CACNA1E: variants seen among roughly 807,000 people sequenced by gnomAD.
CACNA1E encodes voltage-dependent R-type calcium channel subunit alpha-1E.
In CACNA1E, 40 loss-of-function variants were observed where a neutral mutation model predicts 259.2. The ratio of observed to expected loss-of-function variants is 0.15; its 90% confidence interval spans 0.12 to 0.20. The LOEUF (loss-of-function observed/expected upper bound fraction) is 0.20, where lower values mean the gene tolerates loss of function less well. CACNA1E is among the 10% of genes least tolerant of loss of function. The pLI is 1.00. For synonymous variants in CACNA1E, 1,104 were observed against 1,138.5 expected (o/e 0.97, Z 0.61); for missense variants, 1,874 against 3,040.1 (o/e 0.62, Z 9.02).
intron 7 of CACNA1E, among the ~76,000 whole-genome samples, chr1:181,687,280 T>G (rs1196422516): frequency 2.6e-5 from 4 of 152,150 alleles, no homozygotes; most frequent in Non-Finnish European, 5.9e-5. Flanking sequence ...CCTTTTAATG[T>G]TTTTTAATGA....
rs577347739 is a variant in CACNA1E, at chr1:181,392,115, G to C, written c.-14-21018G>C. ...GTCTGTGGTAGATCAGCACAGAAAG[G>C]GTAAGGAATAGGGAGTTTGGTACCT... On this transcript the variant is annotated intron_variant, in intron 1 of 11. Coordinates refer to the CACNA1E transcript ENST00000524607. Among the ~76,000 whole-genome samples the C allele has an allele frequency of 4.6e-5, 7 of 152,134 alleles. No homozygotes were observed. In the South Asian group the frequency reaches 1.5e-3, roughly 32 times the overall value.
At chr1:181,785,206 G>C (rs1660754620) in intron 41 of CACNA1E, 112 bp from the exon 42 acceptor site, 1 of 698,364 alleles carries the variant, frequency 1.4e-6, no homozygotes, top group Admixed American at 2.1e-5. Flanking sequence ...GGATGAATGG[G>C]TGACTGATAG....
rs532105302 is a variant in CACNA1E at position 181,806,009 on chromosome 1, C to A, written c.*7175C>A. ...GCACAAGACTGGATTAAGAGAAGTT[C>A]TTTCTGTTAAACTCACCTAGGGTAG... On this transcript the variant is annotated 3_prime_UTR_variant, in exon 48 of 48. Transcript: ENST00000367573. The A allele has an allele frequency of 1.3e-5, 2 of 152,308 alleles. No homozygotes were observed. The highest frequency in any genetic ancestry group is 1.3e-4 in the Admixed American group (2 of 15,300). The allele number at this position is 152,308 out of a possible 1,614,324, so 9.4% of individuals were successfully genotyped here.
At chr1:181,539,652 A>G (rs1668435671) in intron 3 of CACNA1E, among the ~76,000 whole-genome samples, 1 of 152,216 alleles carries the variant, frequency 6.6e-6, no homozygotes, top group South Asian at 2.1e-4. Context: ...GTCCCACTGA[A>G]GCTTTTCTTA....
Position 181,781,490 on chromosome 1 carries a change from C to A in CACNA1E, c.5331C>A (p.Leu1777=). 6.3e-7 allele frequency: 1 copy of A among 1,594,312 alleles called. No homozygotes were observed. The highest frequency in any genetic ancestry group is 8.6e-7 in the Non-Finnish European group (1 of 1,166,986). ...MLTLMSPPLG[L]GKRCPSKVAY... is the part of the protein sequence containing the mutation. ...CTCTCATGTCACCTCCGCTAGGCCT[C>A]GGCAAGAGATGTCCCTCCAAAGTGG... The change falls in exon 39 of 48, where the codon CTC becomes CTA. Residue 1777 remains leucine (L), a synonymous_variant. Coordinates refer to ENST00000367573, the MANE Select transcript of CACNA1E (RefSeq NM_001205293.3).
chr1:181,533,612 CTT>C (rs58706222), intron 3 of CACNA1E, among the ~76,000 whole-genome samples: 37,511 of 151,656 alleles, frequency 0.25, 5,155 homozygotes, highest in Non-Finnish European at 0.31. Flanking sequence ...TTAGAACTAA[CTT>C]GTCAAAATCT....
intron 2 of CACNA1E, among the ~76,000 whole-genome samples, chr1:181,442,392 G>A (rs1196789686): frequency 6.6e-6 from 1 of 151,468 alleles, no homozygotes; most frequent in Non-Finnish European, 1.5e-5. Flanking sequence ...AGGGGCACAG[G>A]TGTGGGGGAA....
intron 35 of CACNA1E, among the ~76,000 whole-genome samples, chr1:181,768,517 C>T (rs1659217987): frequency 6.6e-6 from 1 of 152,188 alleles, no homozygotes; most frequent in South Asian, 2.1e-4. Flanking sequence ...TCTGTCTGCT[C>T]CCTAGCCCAT....
intron 7 of CACNA1E, among the ~76,000 whole-genome samples, chr1:181,709,696 C>T (rs989740907): frequency 2.6e-5 from 4 of 152,140 alleles, no homozygotes; most frequent in Non-Finnish European, 4.4e-5. Context: ...GGCATGATCA[C>T]AGCTCACTGT....
chr1:181,626,779 T>A (rs918152647), intron 6 of CACNA1E, among the ~76,000 whole-genome samples: 1 of 152,236 alleles, frequency 6.6e-6, no homozygotes, highest in Non-Finnish European at 1.5e-5. Flanking sequence ...CAGAAACTTA[T>A]GGGGCTCTGT....
Position 181,801,219 on chromosome 1 carries a change from G to C in CACNA1E, c.*2385G>C, listed in dbSNP as rs763616344. 1.3e-5 allele frequency: 2 copies of C among 152,640 alleles called. No homozygotes were observed. Among genetic ancestry groups the C allele is most frequent in the Non-Finnish European group, 2.9e-5 (2 of 68,048 alleles). The allele number at this position is 152,640 out of a possible 1,614,324, so 9.5% of individuals were successfully genotyped here. ...TCTGAGCCAGTGAGTCTATTGCATG[G>C]TGTTTTGAGAAAGGGAATTTTAGTG... On this transcript the variant is annotated 3_prime_UTR_variant, in exon 48 of 48. Transcript: ENST00000367573.
intron 1 of CACNA1E, among the ~76,000 whole-genome samples, chr1:181,324,365 T>A (rs1650609465): frequency 6.6e-6 from 1 of 152,046 alleles, no homozygotes; most frequent in African/African-American, 2.4e-5. Context: ...TCTGAGGAGG[T>A]GATATTTAAG....
chr1:181,737,864 G>A (rs112189607), intron 23 of CACNA1E, among the ~76,000 whole-genome samples: 148 of 152,184 alleles, frequency 9.7e-4, no homozygotes, highest in African/African-American at 2.9e-3. Flanking sequence ...GCCCCAAACC[G>A]GCCAGGGCTC....
chr1:181,614,087 T>C (rs1654995460), intron 6 of CACNA1E, among the ~76,000 whole-genome samples: 1 of 152,248 alleles, frequency 6.6e-6, no homozygotes, highest in African/African-American at 2.4e-5. Context: ...CTTATAGCAA[T>C]CCTGCACCCA....
At chr1:181,606,448 G>A (rs115076869) in intron 6 of CACNA1E, among the ~76,000 whole-genome samples, 46 of 152,028 alleles carry the variant, frequency 3.0e-4, no homozygotes, top group Non-Finnish European at 3.7e-4. Flanking sequence ...ATATATCCCC[G>A]GCTGCGCCCA....
In CACNA1E at chr1:181,790,543, A is replaced by T; in HGVS notation, c.5885A>T (p.Glu1962Val). The change falls in exon 44 of 48, where the codon GAA (glutamate) becomes GTA (valine). Residue 1962 changes from glutamate (E) to valine (V), a missense_variant. Around this residue, in one of 14 missense-constraint regions of CACNA1E, gnomAD observed 542 missense variants for 587.2 expected, o/e 0.92. Transcript: ENST00000367573. ...CCCGCCGATGACGGACAGTTCCAAG[A>T]ACGGCAGTCTCTGGTGAATGCATGA... is the stretch of plus-strand genomic sequence containing the variant. ...MDPADDGQFQ[E>V]RQSLEPEVSE... 6.2e-7 allele frequency: 1 copy of T among 1,603,126 alleles called. No individual in the cohort carries two copies. Among genetic ancestry groups the T allele is most frequent in the Non-Finnish European group, 8.5e-7 (1 of 1,169,796 alleles).
chr1:181,404,680 C>T (rs1186878278), intron 1 of CACNA1E, among the ~76,000 whole-genome samples: 1 of 152,172 alleles, frequency 6.6e-6, no homozygotes, highest in Non-Finnish European at 1.5e-5. Flanking sequence ...CCTGAGTATC[C>T]AGATCCTAAC....
At chr1:181,323,497 T>C (rs1189445958) in intron 1 of CACNA1E, among the ~76,000 whole-genome samples, 2 of 152,196 alleles carry the variant, frequency 1.3e-5, no homozygotes, top group African/African-American at 4.8e-5. Context: ...TTAGGATCAT[T>C]GACTGTCATA....
At chr1:181,555,987 A>G (rs1334009580) in intron 3 of CACNA1E, among the ~76,000 whole-genome samples, 3 of 152,194 alleles carry the variant, frequency 2.0e-5, no homozygotes, top group African/African-American at 7.2e-5. Flanking sequence ...AGACTGACGA[A>G]AACATGGGCC....
Sources: allele counts gnomAD v4.1 joint callset (sites outside exome capture counted in the v4.1 genomes callset), GRCh38; gene constraint gnomAD v4.1.1; regional missense constraint gnomAD v4.1.1; transcripts MANE v1.5; gene names NCBI Gene and HGNC (gene_info 2026-07-23, HGNC 2026-07-21).